Variants in CLASP2 observed in about 807,000 individuals in gnomAD.
The protein encoded by CLASP2 is cytoplasmic linker associated protein 2.
CLASP2 carries 47 observed loss-of-function variants against 194.4 expected under a neutral mutation model. The observed-to-expected ratio is 0.24, with a 90% CI of 0.19 to 0.31. CLASP2 has a LOEUF of 0.31. Among genes scored for constraint, CLASP2 ranks in the 10% least tolerant of loss-of-function variants. CLASP2 has a pLI of 1.00. For missense variants in CLASP2, 1,445 were observed against 1,823.6 expected (o/e 0.79, Z 3.78); for synonymous variants, 619 against 633.5 (o/e 0.98, Z 0.34).
intron 1 of CLASP2, among the ~76,000 whole-genome samples, chr3:33,707,782 G>A (rs1012018764): frequency 2.9e-4 from 44 of 151,396 alleles, no homozygotes; most frequent in African/African-American, 1.0e-3. Context: ...GAATGAAACC[G>A]GCAAGATCCA....
intron 12 of CLASP2, among the ~76,000 whole-genome samples, chr3:33,616,026 T>A (rs2076095932): frequency 6.7e-6 from 1 of 148,780 alleles, no homozygotes; most frequent in African/African-American, 2.5e-5. Context: ...AAAAATAAAA[T>A]GAGCTAAAAG....
intron 29 of CLASP2, chr3:33,558,564 T>C (rs1318580550): frequency 2.0e-5 from 3 of 152,144 alleles, no homozygotes; most frequent in African/African-American, 7.2e-5. Context: ...ACATTTTTTC[T>C]TTTATGTAAA....
intron 16 of CLASP2, among the ~76,000 whole-genome samples, chr3:33,604,850 C>T (rs141597056): frequency 2.3e-4 from 35 of 152,232 alleles, no homozygotes; most frequent in East Asian, 1.5e-3. Context: ...TTATTTTTCA[C>T]TTGTATCCTG....
At chr3:33,617,949 ATAT>A (rs993731765) in intron 12 of CLASP2, among the ~76,000 whole-genome samples, 6 of 123,064 alleles carry the variant, frequency 4.9e-5, no homozygotes, top group African/African-American at 2.1e-4. Context: ...ATATATATAT[ATAT>A]TTTTTTTTTT....
At chr3:33,510,903 T>A in intron 36 of CLASP2, 139 bp from the exon 37 acceptor site, 1 of 780,464 alleles carries the variant, frequency 1.3e-6, no homozygotes, top group Non-Finnish European at 2.0e-6. Context: ...ACATGAAAAG[T>A]GAGGGTACAG....
intron 13 of CLASP2, among the ~76,000 whole-genome samples, chr3:33,611,293 G>A (rs952300634): frequency 2.6e-5 from 4 of 152,158 alleles, no homozygotes; most frequent in African/African-American, 9.7e-5. Flanking sequence ...TGTAGTCCAG[G>A]ATAACCACCT....
chr3:33,522,416 A>G (rs2053382861), intron 34 of CLASP2, among the ~76,000 whole-genome samples: 3 of 152,306 alleles, frequency 2.0e-5, no homozygotes, highest in Non-Finnish European at 4.4e-5. Flanking sequence ...AGCAAAAATA[A>G]CAAAAGCCAC....
rs142746797 is a variant in CLASP2 at position 33,712,068 on chromosome 3, G to A, written c.195+5740C>T. ...ATAAAAAAGACACAGGGACATGCAC[G>A]TTTATAGCAGCACAATTCACATTTG... On this transcript the variant is annotated intron_variant, in intron 1 of 38. Transcript: ENST00000682230. Among the ~76,000 whole-genome samples, 10 of 152,284 alleles carry A rather than the reference G, an allele frequency of 6.6e-5. No homozygotes were observed. In the East Asian group the frequency reaches 1.7e-3, roughly 26 times the overall value.
chr3:33,675,945 A>C (rs1470262003), intron 6 of CLASP2, among the ~76,000 whole-genome samples: 1 of 151,536 alleles, frequency 6.6e-6, no homozygotes, highest in African/African-American at 2.4e-5. Context: ...GATACAAACA[A>C]ATGGAAGAAC....
chr3:33,588,966 T>C (rs747819210), intron 21 of CLASP2, among the ~76,000 whole-genome samples: 3 of 152,142 alleles, frequency 2.0e-5, no homozygotes, highest in Non-Finnish European at 4.4e-5. Context: ...CAGACACTCA[T>C]GTACAAAGCA....
intron 36 of CLASP2, among the ~76,000 whole-genome samples, chr3:33,512,650 TG>T (rs1407354228): frequency 9.4e-6 from 1 of 106,468 alleles, no homozygotes; most frequent in African/African-American, 3.8e-5. Flanking sequence ...TCTCAATAGG[TG>T]AAAAATGCTT....
At position 33,570,850 on chromosome 3, in the gene CLASP2, T is replaced by C. The variant is rs1332822740; in HGVS notation, c.2700-60A>G. ...GCTGTAGCAAGAAGTCATGTAAAAGTAACTTTACATATAATTTTCTTTAAA... is the reference window on the plus strand; with the variant it reads ...GCTGTAGCAAGAAGTCATGTAAAAGCAACTTTACATATAATTTTCTTTAAA... On this transcript the variant is annotated intron_variant, in intron 25 of 38. Transcript: ENST00000682230. 9.1e-6 allele frequency: 12 copies of C among 1,320,640 alleles called. No individual in the cohort carries two copies. In the Admixed American group the frequency reaches 2.0e-4, roughly 22 times the overall value. The allele number at this position is 1,320,640 out of a possible 1,614,324, so 81.8% of individuals were successfully genotyped here. A position where few individuals can be genotyped will look rare whatever the true frequency, so the allele number is the denominator to read the frequency against.
In CLASP2 at chr3:33,611,902, G is replaced by A. The variant is rs996696169; in HGVS notation, c.1388+99C>T. On this transcript the variant is annotated intron_variant, in intron 13 of 38. Transcript: ENST00000682230. ...AACACTTTTTTATGGTTTTCTGGAA[G>A]GCAAGAAATGAATGACCAATTCTTG... is the stretch of plus-strand genomic sequence containing the variant. 2.3e-5 allele frequency: 18 copies of A among 784,978 alleles called. No individual in the cohort carries two copies. In the Admixed American group the frequency reaches 3.2e-4, roughly 14 times the overall value. 48.6% of individuals were successfully genotyped at this position (784,978 alleles called of 1,614,324 possible). A position where few individuals can be genotyped will look rare whatever the true frequency, so the allele number is the denominator to read the frequency against.
chr3:33,595,303 C>G (rs1483957177), intron 19 of CLASP2, among the ~76,000 whole-genome samples: 3 of 152,054 alleles, frequency 2.0e-5, no homozygotes, highest in African/African-American at 7.2e-5. Flanking sequence ...TCTGTAATTA[C>G]TCTTTGAAAA....
chr3:33,611,213 T>C (rs1431062602), intron 13 of CLASP2, among the ~76,000 whole-genome samples: 3 of 152,114 alleles, frequency 2.0e-5, no homozygotes, highest in African/African-American at 7.2e-5. Flanking sequence ...CAAACAAAAA[T>C]TCTGCAAGGA....
At chr3:33,553,079 G>C (rs768123619) in intron 29 of CLASP2, among the ~76,000 whole-genome samples, 1 of 152,094 alleles carries the variant, frequency 6.6e-6, no homozygotes, top group Admixed American at 6.5e-5. Context: ...CAAATTTTAA[G>C]GTAATATGTT....
At chr3:33,597,911 C>A (rs1000788690) in intron 18 of CLASP2, among the ~76,000 whole-genome samples, 2 of 151,960 alleles carry the variant, frequency 1.3e-5, no homozygotes, top group Admixed American at 1.3e-4. Context: ...TGCCACCACG[C>A]CTGGCTAATT....
intron 18 of CLASP2, among the ~76,000 whole-genome samples, chr3:33,601,383 A>T (rs2154253035): frequency 6.6e-6 from 1 of 152,230 alleles, no homozygotes; most frequent in South Asian, 2.1e-4. Flanking sequence ...TTATTCTGGT[A>T]TTTGTTGGCC....
intron 37 of CLASP2, chr3:33,504,156 A>G (rs879178451): frequency 6.6e-6 from 1 of 152,202 alleles, no homozygotes; most frequent in South Asian, 2.1e-4. Flanking sequence ...AGGTCCTGAG[A>G]TGAACAAAAG....
Sources: allele counts gnomAD v4.1 joint callset (sites outside exome capture counted in the v4.1 genomes callset), GRCh38; gene constraint gnomAD v4.1.1; transcripts MANE v1.5; gene names NCBI Gene and HGNC (gene_info 2026-07-23, HGNC 2026-07-21).